The following CAMK2A variants were observed in gnomAD, a reference collection of about 807,000 sequenced individuals.
CAMK2A encodes the protein calcium/calmodulin dependent protein kinase II alpha, also known as calcium/calmodulin-dependent protein kinase type II subunit alpha.
In CAMK2A, 7 loss-of-function variants were observed where a neutral mutation model predicts 79.2. The observed-to-expected ratio is 0.09, with a 90% CI of 0.05 to 0.17. The LOEUF (loss-of-function observed/expected upper bound fraction) is 0.17, where lower values mean the gene tolerates loss of function less well. Among genes scored for constraint, CAMK2A ranks in the 10% least tolerant of loss-of-function variants. The pLI, the probability that CAMK2A is intolerant of heterozygous loss-of-function variation, is 1.00. For synonymous variants in CAMK2A, 242 were observed against 251.7 expected (o/e 0.96, Z 0.36); for missense variants, 214 against 646.4 (o/e 0.33, Z 7.25).
intron 1 of CAMK2A, among the ~76,000 whole-genome samples, chr5:150,283,100 T>A (rs924512717): frequency 6.6e-6 from 1 of 152,164 alleles, no homozygotes; most frequent in Non-Finnish European, 1.5e-5. Flanking sequence ...TTCCTTGGTG[T>A]TCTCTCACTT....
intron 8 of CAMK2A, 21 bp from the exon 9 acceptor site, chr5:150,251,865 C>A (rs1409487447): frequency 1.9e-6 from 3 of 1,579,422 alleles, no homozygotes; most frequent in Admixed American, 1.7e-5. Flanking sequence ...GACCAGAGAA[C>A]CTTCAACCCC....
chr5:150,251,960 A>T, intron 8 of CAMK2A, 22 bp downstream of exon 8: 1 of 1,609,016 alleles, frequency 6.2e-7, no homozygotes, highest in Non-Finnish European at 8.5e-7. Flanking sequence ...AGGGGCACAA[A>T]AGGGCCTTAG....
chr5:150,245,423 A>G (rs1755526326), intron 12 of CAMK2A: 4 of 580,594 alleles, frequency 6.9e-6, no homozygotes, highest in Non-Finnish European at 1.2e-5. Flanking sequence ...CTTCTCAGCA[A>G]TCTCAAGCGT....
intron 13 of CAMK2A, among the ~76,000 whole-genome samples, chr5:150,241,825 T>C (rs961326671): frequency 3.3e-5 from 5 of 150,836 alleles, no homozygotes; most frequent in African/African-American, 1.2e-4. Flanking sequence ...TTCCCCTCTT[T>C]CCTCCACTCC....
At chr5:150,265,831 G>T (rs1756489094) in intron 2 of CAMK2A, among the ~76,000 whole-genome samples, 1 of 151,706 alleles carries the variant, frequency 6.6e-6, no homozygotes, top group Non-Finnish European at 1.5e-5. Flanking sequence ...AATCTCAGCT[G>T]CTCAGGAGGC....
intron 2 of CAMK2A, 187 bp from the exon 3 acceptor site, chr5:150,265,202 G>A (rs1365969464): frequency 2.2e-5 from 13 of 593,060 alleles, no homozygotes; most frequent in Admixed American, 5.6e-5. Context: ...AAGAGGAAGA[G>A]GCCTGGGTTG....
At chr5:150,244,951 C>T (rs1755498327) in intron 13 of CAMK2A, among the ~76,000 whole-genome samples, 1 of 152,162 alleles carries the variant, frequency 6.6e-6, no homozygotes, top group African/African-American at 2.4e-5. Flanking sequence ...CCAGTCCCCC[C>T]TCTCCCATCT....
intron 16 of CAMK2A, among the ~76,000 whole-genome samples, 166 bp downstream of exon 16, chr5:150,231,138 AG>A (rs1754820392): frequency 6.6e-6 from 1 of 152,188 alleles, no homozygotes; most frequent in Admixed American, 6.5e-5. Flanking sequence ...AAAGCTCAAT[AG>A]AAGCATCAAG....
Position 150,248,547 on chromosome 5 carries a change from C to A in CAMK2A, c.901-733G>T, listed in dbSNP as rs532984286. 4.8e-4 allele frequency among the ~76,000 whole-genome samples: 67 copies of A among 138,600 alleles called. No homozygotes were observed. In the South Asian group the frequency reaches 0.015, roughly 31 times the overall value. 90.9% of individuals were successfully genotyped at this position (138,600 alleles called of 152,430 possible). A position where few individuals can be genotyped will look rare whatever the true frequency, so the allele number is the denominator to read the frequency against. On this transcript the variant is annotated intron_variant, in intron 11 of 18. Coordinates refer to ENST00000671881, the MANE Select transcript of CAMK2A (RefSeq NM_015981.4). ...TCCCCTTCCTGTGTCCAAGTGTTCT[C>A]ATTGTTCAATTCCCATCCATGAGTG...
chr5:150,259,798 G>A (rs562938966), intron 3 of CAMK2A, among the ~76,000 whole-genome samples: 20 of 151,846 alleles, frequency 1.3e-4, no homozygotes, highest in East Asian at 3.9e-4. Flanking sequence ...GCAAAACACC[G>A]TCTCTATTAA....
chr5:150,227,411 T>G (rs1754652470), intron 17 of CAMK2A, among the ~76,000 whole-genome samples: 2 of 152,198 alleles, frequency 1.3e-5, no homozygotes, highest in Admixed American at 1.3e-4. Flanking sequence ...CCTAAATCAC[T>G]GTGTAGCCTC....
rs537366178 is a variant in CAMK2A at position 150,242,223 on chromosome 5, T to C, written c.985-2487A>G. The stretch of plus-strand genomic sequence containing the variant: ...TCACAAACGATGATGCTAATAATCT[T>C]GTATTGACCAGTACTTTAGTTTGAT... On this transcript the variant is annotated intron_variant, in intron 13 of 18. Coordinates refer to ENST00000671881, the MANE Select transcript of CAMK2A (RefSeq NM_015981.4). Among the ~76,000 whole-genome samples, 3 of 152,306 alleles carry C rather than the reference T, an allele frequency of 2.0e-5. No individual in the cohort carries two copies. The South Asian group carries it at 6.2e-4, about 32-fold the overall frequency.
At chr5:150,262,971 A>G (rs1756358636) in intron 3 of CAMK2A, among the ~76,000 whole-genome samples, 1 of 152,184 alleles carries the variant, frequency 6.6e-6, no homozygotes, top group African/African-American at 2.4e-5. Context: ...TGACAATCAT[A>G]TGGAGTTTTA....
chr5:150,255,300 CT>C (rs1756006978), intron 6 of CAMK2A, among the ~76,000 whole-genome samples: 1 of 152,212 alleles, frequency 6.6e-6, no homozygotes, highest in Non-Finnish European at 1.5e-5. Flanking sequence ...CCACAGGGAG[CT>C]TGCCTAGGGC....
At chr5:150,249,745 A>G (rs1755744635) in intron 11 of CAMK2A, among the ~76,000 whole-genome samples, 1 of 151,910 alleles carries the variant, frequency 6.6e-6, no homozygotes, top group Non-Finnish European at 1.5e-5. Context: ...ACAGGGTTTC[A>G]CCTCATTGGC....
chr5:150,238,523 C>T, intron 15 of CAMK2A, 177 bp downstream of exon 15: 2 of 715,740 alleles, frequency 2.8e-6, no homozygotes, highest in South Asian at 3.0e-5. Flanking sequence ...AGTACCACCC[C>T]CGCCCTCCAT....
intron 13 of CAMK2A, among the ~76,000 whole-genome samples, chr5:150,242,907 G>A (rs1357665720): frequency 6.6e-6 from 1 of 152,198 alleles, no homozygotes; most frequent in African/African-American, 2.4e-5. Context: ...GAGTGAAGGA[G>A]GATGAGCTAC....
Position 150,232,775 on chromosome 5 carries a change from C to T in CAMK2A, c.1067-1395G>A, listed in dbSNP as rs902255991. 1.9e-4 allele frequency among the ~76,000 whole-genome samples: 29 copies of T among 152,230 alleles called. 1 individual carries two copies. Among genetic ancestry groups the T allele is most frequent in the Admixed American group, 1.9e-3 (29 of 15,290 alleles). On this transcript the variant is annotated intron_variant, in intron 15 of 18. Transcript: ENST00000671881. Reference sequence around the variant, plus strand: ...CTGTCCTCACCAGTTGCCCACACCACACCACCCCACACAGGAGCACACCTC... The same window carrying T: ...CTGTCCTCACCAGTTGCCCACACCATACCACCCCACACAGGAGCACACCTC...
At chr5:150,252,200 A>C (rs1755867490) in intron 7 of CAMK2A, 135 bp from the exon 8 acceptor site, 2 of 695,268 alleles carry the variant, frequency 2.9e-6, no homozygotes, top group Admixed American at 2.5e-5. Flanking sequence ...CCTCAGGTGC[A>C]CTTGGGCTTG....
Sources: allele counts gnomAD v4.1 joint callset (sites outside exome capture counted in the v4.1 genomes callset), GRCh38; gene constraint gnomAD v4.1.1; transcripts MANE v1.5; gene names NCBI Gene and HGNC (gene_info 2026-07-23, HGNC 2026-07-21).